The following LANCL1 variants were observed in gnomAD, a reference collection of about 807,000 sequenced individuals.
The protein encoded by LANCL1 is glutathione S-transferase LANCL1.
A neutral mutation model predicts 50.6 loss-of-function variants in LANCL1; 50 were observed. The observed-to-expected ratio is 0.99, with a 90% CI of 0.79 to 1.25. The LOEUF (loss-of-function observed/expected upper bound fraction) is 1.25, where lower values mean the gene tolerates loss of function less well. LANCL1 is among the 50% of genes most tolerant of loss of function. The pLI, the probability that LANCL1 is intolerant of heterozygous loss-of-function variation, is 0.00. For synonymous variants in LANCL1, 188 were observed against 178.6 expected, an observed-to-expected ratio of 1.05 and a Z score of -0.42; for missense variants, 532 against 480.7, an observed-to-expected ratio of 1.11 and a Z score of -1.00.
rs1480190556 is a variant in LANCL1 at position 210,437,744 on chromosome 2, G to C, written c.819C>G (p.Val273=). The change falls in exon 7 of 10, where the codon GTC becomes GTG. Residue 273 remains valine, a synonymous_variant. Transcript: ENST00000450366. ...PCIGDNRDLL[V]HWCHGAPGVI... is the part of the protein sequence containing the mutation. ...CCCCAGGGGCGCCATGGCACCAATG[G>C]ACAAGCAGATCTCGATTATCACCTA... is the stretch of plus-strand genomic sequence containing the variant. 5.6e-6 allele frequency: 9 copies of C among 1,612,154 alleles called. No individual in the cohort carries two copies. The highest frequency in any genetic ancestry group is 7.6e-6 in the Non-Finnish European group (9 of 1,179,112).
At chr2:210,472,913 A>T (rs1340566189) in intron 2 of LANCL1, among the ~76,000 whole-genome samples, 1 of 152,204 alleles carries the variant, frequency 6.6e-6, no homozygotes, top group Non-Finnish European at 1.5e-5. Context: ...AATAGTTTAG[A>T]TATGGATTGA....
chr2:210,453,912 C>A (rs1199634276), intron 4 of LANCL1, among the ~76,000 whole-genome samples: 1 of 152,034 alleles, frequency 6.6e-6, no homozygotes, highest in African/African-American at 2.4e-5. Flanking sequence ...ATATTAAAAG[C>A]TTCTCAGCTC....
intron 8 of LANCL1, 24 bp from the exon 9 acceptor site, chr2:210,435,483 T>C (rs774434697): frequency 6.3e-6 from 10 of 1,588,998 alleles, no homozygotes; most frequent in South Asian, 2.2e-5. Context: ...CAAGTTAAAT[T>C]AGTATAGTGA....
intron 4 of LANCL1, among the ~76,000 whole-genome samples, chr2:210,444,860 C>A (rs898626100): frequency 6.6e-6 from 1 of 152,110 alleles, no homozygotes; most frequent in African/African-American, 2.4e-5. Flanking sequence ...TCTACACACA[C>A]ACACTCCCTT....
chr2:210,477,445 C>G, upstream of LANCL1: 1 of 1,063,342 alleles, frequency 9.4e-7, no homozygotes, highest in Non-Finnish European at 1.2e-6. Flanking sequence ...AAAATTAAAT[C>G]CCACCTGGTA....
intron 3 of LANCL1, among the ~76,000 whole-genome samples, chr2:210,459,957 C>T (rs185745818): frequency 1.4e-4 from 21 of 151,892 alleles, no homozygotes; most frequent in Admixed American, 3.9e-4. Context: ...CCAAGCAGTA[C>T]TATAAATACA....
intron 3 of LANCL1, among the ~76,000 whole-genome samples, chr2:210,462,605 G>A (rs756992517): frequency 1.5e-4 from 23 of 152,078 alleles, no homozygotes; most frequent in Non-Finnish European, 3.2e-4. Context: ...TTCTGTCTCG[G>A]CCCAATTAAT....
intron 4 of LANCL1, among the ~76,000 whole-genome samples, chr2:210,444,738 C>A (rs1693257454): frequency 6.6e-6 from 1 of 151,994 alleles, no homozygotes; most frequent in South Asian, 2.1e-4. Context: ...CTAGAGGTTT[C>A]TTTCCTTTTT....
At chr2:210,445,086 CAA>C (rs1559710087) in intron 4 of LANCL1, among the ~76,000 whole-genome samples, 1 of 151,674 alleles carries the variant, frequency 6.6e-6, no homozygotes, top group East Asian at 1.9e-4. Flanking sequence ...ATAAATGTGT[CAA>C]ATTATATAGA....
intron 3 of LANCL1, among the ~76,000 whole-genome samples, chr2:210,463,659 TTTG>T (rs1194263878): frequency 1.3e-5 from 2 of 152,218 alleles, no homozygotes; most frequent in Admixed American, 6.5e-5. Flanking sequence ...ATAGAAGTAA[TTTG>T]TTAAGTCTAA....
intron 3 of LANCL1, among the ~76,000 whole-genome samples, chr2:210,463,482 G>C (rs556382447): frequency 6.6e-6 from 1 of 152,280 alleles, no homozygotes; most frequent in African/African-American, 2.4e-5. Context: ...ACCCTGTCTT[G>C]TCATTCAGAT....
intron 4 of LANCL1, among the ~76,000 whole-genome samples, chr2:210,444,096 C>T (rs1411767740): frequency 1.3e-5 from 2 of 152,168 alleles, no homozygotes; most frequent in Non-Finnish European, 2.9e-5. Flanking sequence ...ATTGGGCACC[C>T]ACTTGTGCTT....
intron 4 of LANCL1, among the ~76,000 whole-genome samples, chr2:210,443,009 G>A (rs187468263): frequency 6.6e-6 from 1 of 152,328 alleles, no homozygotes; most frequent in East Asian, 1.9e-4. Context: ...AGGAACTGCA[G>A]TCTTAGGAGG....
chr2:210,432,757 G>A lies in LANCL1; in HGVS notation c.*1730C>T, dbSNP rs1003054817. ...CTGTGCACTACTTTTACTTCTTACT[G>A]TAAGTGCTGATATCGCTGATTGAAA... is the stretch of plus-strand genomic sequence containing the variant. On this transcript the variant is annotated 3_prime_UTR_variant, in exon 10 of 10. Transcript: ENST00000450366. 3.3e-5 allele frequency: 5 copies of A among 152,150 alleles called. No individual in the cohort carries two copies. Among genetic ancestry groups the A allele is most frequent in the Non-Finnish European group, 7.3e-5 (5 of 68,032 alleles). 9.4% of individuals were successfully genotyped at this position (152,150 alleles called of 1,614,324 possible).
Position 210,434,309 on chromosome 2 carries a change from A to G in LANCL1, c.*178T>C. ...TTAAAAGACTTCCTTGGATACTTCT[A>G]AGTAAAAGTAAATGATAATGGAAGG... On this transcript the variant is annotated 3_prime_UTR_variant, in exon 10 of 10. Coordinates refer to ENST00000450366, the MANE Select transcript of LANCL1 (RefSeq NM_006055.3). 1 of 553,608 alleles carries G rather than the reference A, an allele frequency of 1.8e-6. No individual in the cohort carries two copies. Among genetic ancestry groups the G allele is most frequent in the South Asian group, 2.6e-5 (1 of 38,022 alleles). The allele number at this position is 553,608 out of a possible 1,614,324, so 34.3% of individuals were successfully genotyped here.
chr2:210,460,260 C>G (rs1188849041), intron 3 of LANCL1, among the ~76,000 whole-genome samples: 1 of 152,100 alleles, frequency 6.6e-6, no homozygotes, highest in African/African-American at 2.4e-5. Context: ...TTTAAAGACT[C>G]CCTTCATGTA....
Position 210,432,408 on chromosome 2 carries a change from T to C in LANCL1, c.*2079A>G, listed in dbSNP as rs534875701. ...ATTTTTTGTGTGAAAAATCAGACCT[T>C]GGCAATGACTTTGAGCAGTAGGATG... is the stretch of plus-strand genomic sequence containing the variant. On this transcript the variant is annotated 3_prime_UTR_variant, in exon 10 of 10. Coordinates refer to ENST00000450366, the MANE Select transcript of LANCL1 (RefSeq NM_006055.3). 11 of 152,312 alleles carry C rather than the reference T, an allele frequency of 7.2e-5. No individual in the cohort carries two copies. The East Asian group carries it at 2.1e-3, about 29-fold the overall frequency. The allele number at this position is 152,312 out of a possible 1,614,324, so 9.4% of individuals were successfully genotyped here. A position where few individuals can be genotyped will look rare whatever the true frequency, so the allele number is the denominator to read the frequency against.
intron 4 of LANCL1, among the ~76,000 whole-genome samples, chr2:210,452,997 A>AT (rs1252874934): frequency 1.3e-5 from 2 of 152,138 alleles, no homozygotes; most frequent in African/African-American, 4.8e-5. Flanking sequence ...AAATTTCTAG[A>AT]TTTTTCCTTT....
In LANCL1 at chr2:210,455,313, A is replaced by G. The variant is rs143538630; in HGVS notation, c.201T>C (p.Gly67=). The stretch of plus-strand genomic sequence containing the variant: ...AAAGATGTAAGTAAAGCACAGCAAT[A>G]CCTGAAAAAAAAAAAAGGAAACAAT... ...RDGTGYTGWA[G]IAVLYLHLYD... The change falls in exon 4 of 10, where the codon GGT becomes GGC. Residue 67 remains glycine (G), a splice_region_variant and synonymous_variant. Coordinates refer to ENST00000450366, the MANE Select transcript of LANCL1 (RefSeq NM_006055.3). 4 of 1,366,354 alleles carry G rather than the reference A, an allele frequency of 2.9e-6. No individual in the cohort carries two copies. The highest frequency in any genetic ancestry group is 2.6e-5 in the East Asian group (1 of 39,050). The allele number at this position is 1,366,354 out of a possible 1,614,324, so 84.6% of individuals were successfully genotyped here.
Sources: allele counts gnomAD v4.1 joint callset (sites outside exome capture counted in the v4.1 genomes callset), GRCh38; gene constraint gnomAD v4.1.1; transcripts MANE v1.5; gene names NCBI Gene and HGNC (gene_info 2026-07-23, HGNC 2026-07-21).